The following FBXL13 variants were observed in gnomAD, a reference collection of about 807,000 sequenced individuals.
FBXL13 encodes the protein F-box and leucine-rich repeat protein 13.
In FBXL13, 67 loss-of-function variants were observed where a neutral mutation model predicts 83.6. That is an observed-to-expected ratio of 0.80 (90% CI 0.66 to 0.98). The LOEUF (loss-of-function observed/expected upper bound fraction) is 0.98, where lower values mean the gene tolerates loss of function less well. Among genes scored for constraint, FBXL13 ranks in the 50% least tolerant of loss-of-function variants. The pLI is 0.00. For missense variants in FBXL13, 822 were observed against 866.5 expected (o/e 0.95, Z 0.64); for synonymous variants, 272 against 299.5 (o/e 0.91, Z 0.95).
intron 19 of FBXL13, among the ~76,000 whole-genome samples, chr7:102,815,170 A>G (rs1797824281): frequency 1.3e-5 from 2 of 152,170 alleles, no homozygotes; most frequent in South Asian, 4.2e-4. Context: ...AAAACTCCAA[A>G]CCAATCCAGC....
intron 8 of FBXL13, 148 bp downstream of exon 9, chr7:102,963,385 A>G: frequency 1.1e-6 from 1 of 903,626 alleles, no homozygotes; most frequent in East Asian, 2.7e-5. Flanking sequence ...GAGCTGCACT[A>G]TATTATACAC....
chr7:102,956,063 T>A (rs1373271772), intron 8 of FBXL13, among the ~76,000 whole-genome samples: 2 of 152,076 alleles, frequency 1.3e-5, no homozygotes, highest in South Asian at 2.1e-4. Context: ...TACCAAAGCC[T>A]GGCAGAGACA....
intron 6 of FBXL13, among the ~76,000 whole-genome samples, chr7:102,991,662 C>G (rs547937417): frequency 1.3e-5 from 2 of 152,148 alleles, no homozygotes; most frequent in Non-Finnish European, 2.9e-5. Context: ...AAAAGGAGGG[C>G]TGTCTTTGGA....
At chr7:103,016,475 C>A (rs927043560) in intron 6 of FBXL13, among the ~76,000 whole-genome samples, 2 of 151,898 alleles carry the variant, frequency 1.3e-5, no homozygotes, top group Admixed American at 1.3e-4. Flanking sequence ...CTCACTGGGG[C>A]TTGTCGGACA....
intron 6 of FBXL13, among the ~76,000 whole-genome samples, chr7:103,012,205 G>A (rs1392036583): frequency 2.0e-5 from 3 of 151,950 alleles, no homozygotes; most frequent in Non-Finnish European, 2.9e-5. Context: ...GAGAAACCCC[G>A]TCACTACTAA....
At chr7:102,854,400 T>G (rs1049498890) in intron 17 of FBXL13, among the ~76,000 whole-genome samples, 2 of 152,064 alleles carry the variant, frequency 1.3e-5, no homozygotes, top group African/African-American at 2.4e-5. Flanking sequence ...AGGGATAGCA[T>G]TGGGAGATAT....
intron 16 of FBXL13, among the ~76,000 whole-genome samples, chr7:102,868,453 C>T (rs1437271626): frequency 1.3e-5 from 2 of 152,066 alleles, no homozygotes; most frequent in African/African-American, 4.8e-5. Context: ...ACACAATGTC[C>T]TTTAGGTTCA....
chr7:103,022,867 A>G (rs77200599), intron 6 of FBXL13, among the ~76,000 whole-genome samples: 16,354 of 152,204 alleles, frequency 0.11, 1,059 homozygotes, highest in East Asian at 0.3. Flanking sequence ...AAAAGAAACT[A>G]TCAACAGAAT....
intron 10 of FBXL13, among the ~76,000 whole-genome samples, chr7:102,917,565 G>A (rs779002252): frequency 2.0e-5 from 3 of 152,180 alleles, no homozygotes; most frequent in Non-Finnish European, 2.9e-5. Flanking sequence ...AAGGAGAAAG[G>A]CACTGCAGCT....
upstream of FBXL13, chr7:103,074,748 T>C (rs1256884837): frequency 1.8e-5 from 23 of 1,289,686 alleles, no homozygotes; most frequent in Non-Finnish European, 2.2e-5. Context: ...CAGCCTCGGG[T>C]TGGCATTGCG....
intron 2 of FBXL13, among the ~76,000 whole-genome samples, chr7:103,046,492 T>C (rs557646299): frequency 3.3e-5 from 5 of 152,312 alleles, no homozygotes; most frequent in African/African-American, 1.2e-4. Flanking sequence ...AAGAGGAGTT[T>C]TGACTGATTA....
intron 16 of FBXL13, among the ~76,000 whole-genome samples, chr7:102,865,974 T>C (rs1218222298): frequency 6.6e-6 from 1 of 152,194 alleles, no homozygotes; most frequent in Non-Finnish European, 1.5e-5. Context: ...TCAATTATTT[T>C]TGTTTATTTC....
chr7:102,982,051 C>T (rs1210222612), intron 6 of FBXL13, among the ~76,000 whole-genome samples: 1 of 152,114 alleles, frequency 6.6e-6, no homozygotes, highest in Non-Finnish European at 1.5e-5. Flanking sequence ...TAGATACACT[C>T]TTCTTTTTCC....
intron 11 of FBXL13, among the ~76,000 whole-genome samples, chr7:102,887,052 T>G (rs1264360794): frequency 6.6e-6 from 1 of 152,232 alleles, no homozygotes; most frequent in Non-Finnish European, 1.5e-5. Flanking sequence ...AACAAATTTA[T>G]GGCAATTCGT....
chr7:102,981,801 C>T (rs942800615), intron 6 of FBXL13, among the ~76,000 whole-genome samples: 3 of 152,204 alleles, frequency 2.0e-5, no homozygotes, highest in South Asian at 2.1e-4. Flanking sequence ...TTTCCAAAGA[C>T]GTCACCTGCA....
At chr7:102,884,466 ATTTC>A (rs1253352076) in intron 11 of FBXL13, among the ~76,000 whole-genome samples, 154 bp from the exon 13 acceptor site, 2 of 152,200 alleles carry the variant, frequency 1.3e-5, no homozygotes, top group Non-Finnish European at 2.9e-5. Context: ...TCTAGTCTTG[ATTTC>A]TTTTTTTTAT....
chr7:103,051,558 G>A (rs1325581720), intron 2 of FBXL13, among the ~76,000 whole-genome samples: 3 of 152,098 alleles, frequency 2.0e-5, no homozygotes, highest in Non-Finnish European at 4.4e-5. Flanking sequence ...TTCACTCAAC[G>A]CTCCTGGGGT....
intron 8 of FBXL13, among the ~76,000 whole-genome samples, chr7:102,947,788 T>TA (rs76124213): frequency 0.18 from 26,282 of 147,246 alleles, 2,805 homozygotes; most frequent in East Asian, 0.46. Context: ...TAAAATAAGT[T>TA]AAAAAAAAAA....
At position 102,933,612 on chromosome 7, in the gene FBXL13, CA is replaced by C. The variant is rs148489086; in HGVS notation, c.725-1680del. Reference sequence around the variant, plus strand: ...CCTTGATTCAAACTCAGGGCACAAACATTTGGCCTCTAACCCAGGCAACTAA... The same window carrying C: ...CCTTGATTCAAACTCAGGGCACAAACTTTGGCCTCTAACCCAGGCAACTAA... On this transcript the variant is annotated intron_variant, in intron 8 of 19. Transcript: ENST00000313221. 1,102 of 201,714 alleles carry C rather than the reference CA, an allele frequency of 5.5e-3. 9 individuals are homozygous for C. Among genetic ancestry groups the C allele is most frequent in the African/African-American group, 0.024 (1,028 of 42,972 alleles). The allele number at this position is 201,714 out of a possible 1,614,324, so 12.5% of individuals were successfully genotyped here.
Sources: gnomAD v4.1 joint callset for allele counts (sites outside exome capture counted in the v4.1 genomes callset) on GRCh38, gnomAD v4.1.1 for gene constraint, MANE v1.5 for transcripts, NCBI Gene and HGNC (gene_info 2026-07-23, HGNC 2026-07-21) for gene names.